Variants in INPP5A observed in about 807,000 individuals in gnomAD.
INPP5A encodes 43 kDa inositol polyphosphate 5-phophatase.
INPP5A carries 14 observed loss-of-function variants against 65.2 expected under a neutral mutation model. The ratio of observed to expected loss-of-function variants is 0.21; its 90% CI spans 0.14 to 0.34. INPP5A has a LOEUF of 0.34. Ranked by LOEUF, INPP5A falls within the 10% of genes least tolerant of loss-of-function variation. The pLI is 1.00. For synonymous variants in INPP5A, 207 were observed against 208.3 expected, an observed-to-expected ratio of 0.99 and a Z score of 0.05; for missense variants, 431 against 545.6, an observed-to-expected ratio of 0.79 and a Z score of 2.09.
At position 132,651,409 on chromosome 10, in the gene INPP5A, C is replaced by T. The variant is rs2133399836; in HGVS notation, c.306+904C>T. ...CCCCGTCTCTGGGGAGGCCCTGGGTCCCCCGGCCTGGGTCCATCTCCCCCG... is the reference window on the plus strand; with the variant it reads ...CCCCGTCTCTGGGGAGGCCCTGGGTTCCCCGGCCTGGGTCCATCTCCCCCG... On this transcript the variant is annotated intron_variant, in intron 4 of 15. Coordinates refer to ENST00000368594, the MANE Select transcript of INPP5A (RefSeq NM_005539.5). The surrounding 1 kb of genome is among the most constrained non-coding windows in gnomAD (Gnocchi z 5.0). Among the ~76,000 whole-genome samples, 1 of 141,682 alleles carries T rather than the reference C, an allele frequency of 7.1e-6. No individual in the cohort carries two copies. Among genetic ancestry groups the T allele is most frequent in the East Asian group, 2.1e-4 (1 of 4,668 alleles). 92.9% of individuals were successfully genotyped at this position (141,682 alleles called of 152,430 possible).
intron 4 of INPP5A, among the ~76,000 whole-genome samples, chr10:132,664,216 A>G (rs11146456): frequency 0.066 from 10,069 of 152,212 alleles, 407 homozygotes; most frequent in Non-Finnish European, 0.11. Context: ...TTCCTGTGCA[A>G]ATTCTTGCGG....
intron 2 of INPP5A, among the ~76,000 whole-genome samples, chr10:132,634,691 T>C (rs890531985): frequency 6.6e-6 from 1 of 152,244 alleles, no homozygotes; most frequent in African/African-American, 2.4e-5. Context: ...ATATACACAT[T>C]TGTGGTTGTG....
chr10:132,549,588 G>A lies in INPP5A; in HGVS notation c.75+11417G>A, dbSNP rs930875566. The stretch of plus-strand genomic sequence containing the variant: ...CTGTGGGATGCGAGGCCTCTGCTAC[G>A]AGGCTCCCGCTTGCCTGGCAGGTGG... On this transcript the variant is annotated intron_variant, in intron 1 of 15. Transcript: ENST00000368594. This position sits in a 1 kb window ranked among gnomAD's most constrained non-coding sequence, Gnocchi z 4.9. Among the ~76,000 whole-genome samples the A allele has an allele frequency of 2.6e-5, 4 of 152,212 alleles. No homozygotes were observed. Among genetic ancestry groups the A allele is most frequent in the Non-Finnish European group, 4.4e-5 (3 of 68,040 alleles).
rs374969709 is a variant in INPP5A at position 132,656,569 on chromosome 10, G to A, written c.306+6064G>A. 1.3e-4 allele frequency among the ~76,000 whole-genome samples: 20 copies of A among 152,254 alleles called. No individual in the cohort carries two copies. The South Asian group carries it at 2.1e-3, about 16-fold the overall frequency. On this transcript the variant is annotated intron_variant, in intron 4 of 15. Coordinates refer to ENST00000368594, the MANE Select transcript of INPP5A (RefSeq NM_005539.5). ...CAGCAGAAGAGGGGGTTGGAGGAGC[G>A]GCTGGGGACAGGAGGTGGCTGTGCG...
At chr10:132,592,247 G>T (rs2071628462) in intron 1 of INPP5A, among the ~76,000 whole-genome samples, 1 of 152,224 alleles carries the variant, frequency 6.6e-6, no homozygotes, top group African/African-American at 2.4e-5. Context: ...ACCTGAGAGA[G>T]GGAGGGGCAG....
chr10:132,610,150 A>T (rs569046767), intron 2 of INPP5A, among the ~76,000 whole-genome samples: 1 of 152,200 alleles, frequency 6.6e-6, no homozygotes, highest in East Asian at 1.9e-4. Context: ...TCCTCACACC[A>T]GGCAGTGGCC....
intron 4 of INPP5A, among the ~76,000 whole-genome samples, chr10:132,682,698 G>C (rs934852472): frequency 2.6e-5 from 4 of 152,038 alleles, no homozygotes; most frequent in African/African-American, 9.7e-5. Context: ...TGTTTAATCA[G>C]CGTGTAAACT....
At position 132,697,715 on chromosome 10, in the gene INPP5A, C is replaced by A; in HGVS notation, c.371-101C>A. The A allele has an allele frequency of 1.2e-6, 1 of 803,662 alleles. No individual in the cohort carries two copies. 49.8% of individuals were successfully genotyped at this position (803,662 alleles called of 1,614,324 possible). A position where few individuals can be genotyped will look rare whatever the true frequency, so the allele number is the denominator to read the frequency against. On this transcript the variant is annotated intron_variant, in intron 5 of 15. Transcript: ENST00000368594. This position sits in a 1 kb window ranked among gnomAD's most constrained non-coding sequence, Gnocchi z 5.6. ...GCCTCCTCTCGGGGGGCCTCTCTGG[C>A]TCCCATCGGGCTGAAGTCGGGTGGA...
chr10:132,756,348 A>G (rs1052005440), intron 11 of INPP5A, among the ~76,000 whole-genome samples: 8 of 151,748 alleles, frequency 5.3e-5, no homozygotes, highest in Admixed American at 3.9e-4. Flanking sequence ...TGGTGTATGC[A>G]TGTGTGTGTA....
intron 2 of INPP5A, among the ~76,000 whole-genome samples, chr10:132,643,762 G>A (rs2072457447): frequency 6.6e-6 from 1 of 152,158 alleles, no homozygotes; most frequent in Non-Finnish European, 1.5e-5. Context: ...GCCAGCGTCG[G>A]TTCCTGTGCC....
intron 1 of INPP5A, among the ~76,000 whole-genome samples, chr10:132,592,337 G>A (rs888130365): frequency 1.1e-4 from 16 of 152,190 alleles, no homozygotes; most frequent in African/African-American, 3.4e-4. Context: ...TTAACTATTC[G>A]GGGAAAGGTT....
intron 8 of INPP5A, among the ~76,000 whole-genome samples, chr10:132,723,879 GC>G (rs2134574282): frequency 6.6e-6 from 1 of 152,308 alleles, no homozygotes; most frequent in Non-Finnish European, 1.5e-5. Flanking sequence ...AGCTTTCTGT[GC>G]TCACGGGACA....
At chr10:132,579,958 C>G (rs1363588326) in intron 1 of INPP5A, among the ~76,000 whole-genome samples, 5 of 147,734 alleles carry the variant, frequency 3.4e-5, no homozygotes, top group Non-Finnish European at 7.4e-5. Flanking sequence ...TGCTATCTTG[C>G]CTAGGCTGGT....
intron 12 of INPP5A, among the ~76,000 whole-genome samples, chr10:132,770,862 C>T (rs990976619): frequency 1.3e-5 from 2 of 152,178 alleles, no homozygotes; most frequent in African/African-American, 4.8e-5. Flanking sequence ...GTCTGGCACC[C>T]AGTGCGAGCA....
intron 2 of INPP5A, among the ~76,000 whole-genome samples, chr10:132,620,620 A>T (rs568348351): frequency 3.0e-4 from 46 of 152,358 alleles, no homozygotes; most frequent in African/African-American, 1.1e-3. Context: ...ATTTATGCCA[A>T]TAAACTTGAA....
rs753195581 is a variant in INPP5A at position 132,707,549 on chromosome 10, G to A, written c.475-764G>A. On this transcript the variant is annotated intron_variant, in intron 6 of 15. Coordinates refer to ENST00000368594, the MANE Select transcript of INPP5A (RefSeq NM_005539.5). This position sits in a 1 kb window ranked among gnomAD's most constrained non-coding sequence, Gnocchi z 5.5. ...TACACTTTGCACGCTCGGTGGCCCC[G>A]GTGGCTGGCCACTGCTGTACTGGGT... Among the ~76,000 whole-genome samples the A allele has an allele frequency of 2.8e-4, 42 of 152,162 alleles. No individual in the cohort carries two copies. The highest frequency in any genetic ancestry group is 6.2e-4 in the South Asian group (3 of 4,826).
intron 2 of INPP5A, among the ~76,000 whole-genome samples, chr10:132,626,867 G>A (rs1220022764): frequency 2.0e-5 from 3 of 152,190 alleles, no homozygotes; most frequent in South Asian, 2.1e-4. Flanking sequence ...TCGAAGGGTC[G>A]TGTGTTCTGC....
At chr10:132,609,207 A>G in intron 2 of INPP5A, among the ~76,000 whole-genome samples, 1 of 152,368 alleles carries the variant, frequency 6.6e-6, no homozygotes, top group African/African-American at 2.4e-5. Context: ...TCCCTTTTGA[A>G]AACATATATT....
At chr10:132,720,809 G>A (rs1407722450) in intron 8 of INPP5A, among the ~76,000 whole-genome samples, 1 of 150,440 alleles carries the variant, frequency 6.6e-6, no homozygotes, top group Non-Finnish European at 1.5e-5. Flanking sequence ...TTAGATGGCT[G>A]TCTTGCGGGT....
Sources: gnomAD v4.1 joint callset for allele counts (sites outside exome capture counted in the v4.1 genomes callset) on GRCh38, gnomAD v4.1.1 for gene constraint, Gnocchi (gnomAD v3.1) non-coding constraint, MANE v1.5 for transcripts, NCBI Gene and HGNC (gene_info 2026-07-23, HGNC 2026-07-21) for gene names.